CNTN3: variants seen among roughly 807,000 people sequenced by gnomAD.
CNTN3 encodes contactin-3.
In CNTN3, 60 loss-of-function variants were observed where a neutral mutation model predicts 119.1. The observed-to-expected ratio is 0.50, with a 90% confidence interval of 0.41 to 0.62. The LOEUF (loss-of-function observed/expected upper bound fraction) is 0.62. Ranked by LOEUF, CNTN3 falls within the 20% of genes least tolerant of loss-of-function variation. CNTN3 has a pLI of 0.00. For synonymous variants in CNTN3, 450 were observed against 438.7 expected (o/e 1.03, Z -0.32); for missense variants, 1,101 against 1,242.4 (o/e 0.89, Z 1.71).
At chr3:74,427,530 G>A (rs1175195648) in intron 4 of CNTN3, among the ~76,000 whole-genome samples, 1 of 152,142 alleles carries the variant, frequency 6.6e-6, no homozygotes, top group African/African-American at 2.4e-5. Flanking sequence ...ATATCTAGTG[G>A]AAGATTATAT....
intron 5 of CNTN3, among the ~76,000 whole-genome samples, chr3:74,381,255 A>C (rs1403424067): frequency 1.3e-5 from 2 of 152,116 alleles, no homozygotes; most frequent in African/African-American, 4.8e-5. Flanking sequence ...GGTTAAAATA[A>C]TAAGTGATGG....
At chr3:74,369,404 T>C in intron 7 of CNTN3, 31 bp from the exon 8 acceptor site, 2 of 1,532,828 alleles carry the variant, frequency 1.3e-6, no homozygotes, top group African/African-American at 1.4e-5. Flanking sequence ...TTGTCTGCTA[T>C]TGTCTGGAAG....
rs545985854 is a variant in CNTN3, at chr3:74,323,888, T to A, written c.1668+10847A>T. Among the ~76,000 whole-genome samples the A allele has an allele frequency of 3.2e-4, 48 of 152,254 alleles. No individual in the cohort carries two copies. In the East Asian group the frequency reaches 5.8e-3, roughly 18 times the overall value. On this transcript the variant is annotated intron_variant, in intron 13 of 22. Transcript: ENST00000263665. ...AGCCTCCCAGAGATGAGATTTTTTT[T>A]AAATTTTCAAGTCACAGCTGTAGGT...
rs1404812993 is a variant in CNTN3, at chr3:74,324,045, T to G, written c.1668+10690A>C. 2.6e-5 allele frequency among the ~76,000 whole-genome samples: 4 copies of G among 152,324 alleles called. No homozygotes were observed. In the East Asian group the frequency reaches 7.7e-4, roughly 29 times the overall value. On this transcript the variant is annotated intron_variant, in intron 13 of 22. Coordinates refer to ENST00000263665, the MANE Select transcript of CNTN3 (RefSeq NM_020872.3). Reference sequence around the variant, plus strand: ...CCATATATTACTGTATTTGGATTTTTGTATGCTGGTATATACACAAATATA... The same window carrying G: ...CCATATATTACTGTATTTGGATTTTGGTATGCTGGTATATACACAAATATA...
intron 20 of CNTN3, among the ~76,000 whole-genome samples, chr3:74,272,202 T>A (rs1701791166): frequency 6.6e-6 from 1 of 152,114 alleles, no homozygotes; most frequent in South Asian, 2.1e-4. Context: ...CACAAAATAA[T>A]CTCATAATGT....
Position 74,285,321 on chromosome 3 carries a change from T to G in CNTN3, c.2688A>C (p.Val896=), listed in dbSNP as rs1702089396. ...GAGPFSATVN[V]TTKKTPPSQP... ...TATACTTACGCGTTTTCTTGGTGGT[T>G]ACATTAACTGTGGCGCTAAAAGGCC... The change falls in exon 20 of 23, where the codon GTA becomes GTC. Residue 896 remains valine, a synonymous_variant. Coordinates refer to ENST00000263665, the MANE Select transcript of CNTN3 (RefSeq NM_020872.3). The G allele has an allele frequency of 6.2e-7, 1 of 1,604,380 alleles. No individual in the cohort carries two copies. Among genetic ancestry groups the G allele is most frequent in the African/African-American group, 1.4e-5 (1 of 73,968 alleles).
At chr3:74,594,607 C>G (rs1369897121) in intron 1 of CNTN3, among the ~76,000 whole-genome samples, 1 of 152,088 alleles carries the variant, frequency 6.6e-6, no homozygotes, top group African/African-American at 2.4e-5. Context: ...TCATCCATGT[C>G]CCTACAAAGG....
In CNTN3 at chr3:74,316,741, C is replaced by T. The variant is rs543310494; in HGVS notation, c.1669-13934G>A. Among the ~76,000 whole-genome samples, 51 of 151,942 alleles carry T rather than the reference C, an allele frequency of 3.4e-4. No homozygotes were observed. The South Asian group carries it at 9.6e-3, about 29-fold the overall frequency. On this transcript the variant is annotated intron_variant, in intron 13 of 22. Transcript: ENST00000263665. ...GAGATCGAGACCATACTGGCTAACA[C>T]GGTGAAACCCTGTCTCTACAAAAAA...
chr3:74,299,957 C>T lies in CNTN3; in HGVS notation c.2096-19G>A. 3.3e-6 allele frequency: 5 copies of T among 1,516,422 alleles called. No homozygotes were observed. The highest frequency in any genetic ancestry group is 4.5e-6 in the Non-Finnish European group (5 of 1,119,752). The allele number at this position is 1,516,422 out of a possible 1,614,324, so 93.9% of individuals were successfully genotyped here. ...TCTGGAACTATACAGGTCAGAGAAA[C>T]AGAGATGAAATGGTACTTGCATTTA... On this transcript the variant is annotated intron_variant, in intron 16 of 22. Transcript: ENST00000263665.
intron 1 of CNTN3, among the ~76,000 whole-genome samples, chr3:74,525,441 T>C (rs1056162891): frequency 3.3e-5 from 5 of 151,834 alleles, no homozygotes; most frequent in African/African-American, 1.2e-4. Context: ...CTTCTCAGCA[T>C]TGCCATGTAT....
At chr3:74,519,810 A>C (rs1703512144) in intron 2 of CNTN3, among the ~76,000 whole-genome samples, 1 of 151,728 alleles carries the variant, frequency 6.6e-6, no homozygotes, top group Admixed American at 6.6e-5. Flanking sequence ...AGTCAATGAA[A>C]ATGTTTTAGG....
chr3:74,303,731 C>A (rs1702505225), intron 13 of CNTN3, among the ~76,000 whole-genome samples: 1 of 152,120 alleles, frequency 6.6e-6, no homozygotes, highest in South Asian at 2.1e-4. Flanking sequence ...TAACAGCTGT[C>A]CTTAAAGACA....
chr3:74,286,398 T>A (rs538836769), intron 19 of CNTN3, among the ~76,000 whole-genome samples: 11 of 151,898 alleles, frequency 7.2e-5, no homozygotes, highest in Middle Eastern at 3.4e-3. Context: ...ACAGAAGATT[T>A]AAAAAAAATC....
rs1448031967 is a variant in CNTN3, at chr3:74,452,122, T to A, written c.359-27182A>T. Among the ~76,000 whole-genome samples, 1,153 of 115,462 alleles carry A rather than the reference T, an allele frequency of 1.0e-2. 9 individuals carry two copies. The highest frequency in any genetic ancestry group is 0.03 in the African/African-American group (1,075 of 36,100). The allele number at this position is 115,462 out of a possible 152,430, so 75.7% of individuals were successfully genotyped here. ...ACCTTGGGCAGTATGGCCATTTTCA[T>A]GATATTGATTCTTCCTACCCATGAG... On this transcript the variant is annotated intron_variant, in intron 4 of 22. Coordinates refer to ENST00000263665, the MANE Select transcript of CNTN3 (RefSeq NM_020872.3).
intron 5 of CNTN3, among the ~76,000 whole-genome samples, chr3:74,414,009 A>G (rs527712154): frequency 1.0e-3 from 155 of 152,228 alleles, no homozygotes; most frequent in African/African-American, 3.1e-3. Context: ...TGAGGATCAA[A>G]AGCTATAAAA....
intron 1 of CNTN3, among the ~76,000 whole-genome samples, chr3:74,552,091 G>T (rs1323104032): frequency 6.6e-6 from 1 of 151,904 alleles, no homozygotes; most frequent in African/African-American, 2.4e-5. Flanking sequence ...TTAGTACTAA[G>T]CATTTAAGGT....
At chr3:74,394,000 A>G (rs1412179234) in intron 5 of CNTN3, among the ~76,000 whole-genome samples, 1 of 152,220 alleles carries the variant, frequency 6.6e-6, no homozygotes, top group Admixed American at 6.5e-5. Flanking sequence ...TAGGTAGAGG[A>G]GATATTGTGC....
intron 5 of CNTN3, among the ~76,000 whole-genome samples, chr3:74,416,163 G>C (rs546323048): frequency 2.0e-5 from 3 of 150,474 alleles, no homozygotes; most frequent in Admixed American, 6.6e-5. Context: ...TTCCCAGCCA[G>C]ACAATCCCCC....
chr3:74,468,369 A>AT (rs1388664875), intron 4 of CNTN3, among the ~76,000 whole-genome samples: 2 of 152,192 alleles, frequency 1.3e-5, no homozygotes, highest in African/African-American at 4.8e-5. Flanking sequence ...GAAAATCTAG[A>AT]TTTTTTTTAA....
Sources: gnomAD v4.1 joint callset for allele counts (sites outside exome capture counted in the v4.1 genomes callset) on GRCh38, gnomAD v4.1.1 for gene constraint, MANE v1.5 for transcripts, NCBI Gene and HGNC (gene_info 2026-07-23, HGNC 2026-07-21) for gene names.